The following LHFPL3 variants were observed in gnomAD, a reference collection of about 807,000 sequenced individuals.
LHFPL3 encodes the protein LHFPL tetraspan subfamily member 3 protein.
Under a neutral mutation model 19.3 loss-of-function variants are expected in LHFPL3, and 5 were observed. That is an observed-to-expected ratio of 0.26 (90% CI 0.14 to 0.54). The LOEUF (loss-of-function observed/expected upper bound fraction) is 0.54. Among genes scored for constraint, LHFPL3 ranks in the 20% least tolerant of loss-of-function variants. LHFPL3 has a pLI of 0.94. For synonymous variants in LHFPL3, 133 were observed against 126.2 expected (o/e 1.05, Z -0.36); for missense variants, 249 against 307.4 (o/e 0.81, Z 1.42).
At chr7:104,896,591 G>A (rs939904849) in intron 2 of LHFPL3, among the ~76,000 whole-genome samples, 3 of 152,198 alleles carry the variant, frequency 2.0e-5, no homozygotes, top group Non-Finnish European at 2.9e-5. Context: ...TTAGAAAACT[G>A]GAGGAAGGGC....
intron 2 of LHFPL3, among the ~76,000 whole-genome samples, chr7:104,902,144 C>T (rs1792497711): frequency 6.6e-6 from 1 of 151,986 alleles, no homozygotes; most frequent in African/African-American, 2.4e-5. Flanking sequence ...CTTCAGGAGA[C>T]CAAGGTGGGA....
intron 1 of LHFPL3, among the ~76,000 whole-genome samples, chr7:104,557,108 T>A (rs1184096858): frequency 1.3e-5 from 2 of 152,218 alleles, no homozygotes; most frequent in African/African-American, 4.8e-5. Context: ...TTCCAACATT[T>A]GACTGTTTTC....
At chr7:104,670,870 T>TG (rs200937683) in intron 1 of LHFPL3, among the ~76,000 whole-genome samples, 3 of 151,916 alleles carry the variant, frequency 2.0e-5, no homozygotes, top group Non-Finnish European at 4.4e-5. Flanking sequence ...TGTTTTGTTT[T>TG]TTTTTTTTTA....
At chr7:104,329,361 G>C (rs1801526951) in intron 1 of LHFPL3, 137 bp downstream of exon 1, 3 of 1,164,092 alleles carry the variant, frequency 2.6e-6, no homozygotes, top group Admixed American at 3.1e-5. Context: ...TCGAGGTGTG[G>C]GGGGCGGGAG....
intron 2 of LHFPL3, among the ~76,000 whole-genome samples, chr7:104,814,897 G>T (rs1180166607): frequency 6.6e-6 from 1 of 152,190 alleles, no homozygotes; most frequent in South Asian, 2.1e-4. Context: ...GCGGGAGCAG[G>T]CACTTTCAAG....
chr7:104,379,862 C>T (rs1470503059), intron 1 of LHFPL3, among the ~76,000 whole-genome samples: 2 of 152,176 alleles, frequency 1.3e-5, no homozygotes, highest in African/African-American at 4.8e-5. Flanking sequence ...CCAAGTGTTG[C>T]ACAAACTTGT....
At chr7:104,878,590 A>T (rs1699246087) in intron 2 of LHFPL3, among the ~76,000 whole-genome samples, 1 of 152,142 alleles carries the variant, frequency 6.6e-6, no homozygotes, top group African/African-American at 2.4e-5. Context: ...CTATTCCATG[A>T]GATACAACAA....
intron 1 of LHFPL3, among the ~76,000 whole-genome samples, chr7:104,647,838 A>G (rs534453236): frequency 1.3e-5 from 2 of 152,326 alleles, no homozygotes; most frequent in Non-Finnish European, 2.9e-5. Context: ...CAGGAACCCT[A>G]CAGTAGACTC....
In LHFPL3 at chr7:104,707,996, A is replaced by C. The variant is rs529362497; in HGVS notation, c.446-28679A>C. On this transcript the variant is annotated intron_variant, in intron 1 of 2. Coordinates refer to ENST00000424859, the MANE Select transcript of LHFPL3 (RefSeq NM_199000.3). Reference sequence around the variant, plus strand: ...CAGAGAGGCCAAAGACCTAGAATACATCAGCAGTCAAGAACAGGTGAGGGG... The same window carrying C: ...CAGAGAGGCCAAAGACCTAGAATACCTCAGCAGTCAAGAACAGGTGAGGGG... 6.6e-5 allele frequency among the ~76,000 whole-genome samples: 10 copies of C among 152,382 alleles called. No individual in the cohort carries two copies. In the East Asian group the frequency reaches 1.7e-3, roughly 26 times the overall value.
At chr7:104,478,240 G>C (rs1408493785) in intron 1 of LHFPL3, among the ~76,000 whole-genome samples, 1 of 152,042 alleles carries the variant, frequency 6.6e-6, no homozygotes, top group Admixed American at 6.6e-5. Flanking sequence ...TAAAACTCCT[G>C]ATAGGTTGAG....
intron 2 of LHFPL3, among the ~76,000 whole-genome samples, chr7:104,829,567 G>A (rs550423852): frequency 6.6e-6 from 1 of 151,544 alleles, no homozygotes; most frequent in African/African-American, 2.4e-5. Flanking sequence ...ACCTATGAGT[G>A]AGAACATGTG....
intron 1 of LHFPL3, among the ~76,000 whole-genome samples, chr7:104,734,405 A>G (rs1032077834): frequency 1.3e-5 from 2 of 151,950 alleles, no homozygotes; most frequent in African/African-American, 4.8e-5. Context: ...TTTCTTGGAG[A>G]CCTTGTTCGT....
chr7:104,375,530 A>T (rs182769849), intron 1 of LHFPL3, among the ~76,000 whole-genome samples: 1 of 152,324 alleles, frequency 6.6e-6, no homozygotes, highest in East Asian at 1.9e-4. Flanking sequence ...GGGAAAAATT[A>T]CACCTGGGAA....
intron 2 of LHFPL3, among the ~76,000 whole-genome samples, chr7:104,866,413 A>C (rs1417029271): frequency 6.6e-6 from 1 of 152,220 alleles, no homozygotes; most frequent in Non-Finnish European, 1.5e-5. Context: ...AAAAAAAGGC[A>C]GGGGTTGCAA....
At chr7:104,369,117 T>C (rs1790558705) in intron 1 of LHFPL3, among the ~76,000 whole-genome samples, 1 of 152,214 alleles carries the variant, frequency 6.6e-6, no homozygotes, top group African/African-American at 2.4e-5. Context: ...CAATGAGTTT[T>C]AGTAAATTTA....
intron 1 of LHFPL3, among the ~76,000 whole-genome samples, chr7:104,717,029 G>A (rs1793400380): frequency 6.6e-6 from 1 of 152,138 alleles, no homozygotes. Flanking sequence ...TACATGTATG[G>A]TCAACTAATC....
At chr7:104,582,641 T>C (rs1487063001) in intron 1 of LHFPL3, among the ~76,000 whole-genome samples, 1 of 152,042 alleles carries the variant, frequency 6.6e-6, no homozygotes, top group Non-Finnish European at 1.5e-5. Flanking sequence ...TTTACTAGCA[T>C]CTGTTTTGAA....
intron 1 of LHFPL3, among the ~76,000 whole-genome samples, chr7:104,524,252 C>A (rs1794138751): frequency 6.6e-6 from 1 of 151,958 alleles, no homozygotes; most frequent in African/African-American, 2.4e-5. Flanking sequence ...GTAGACATAC[C>A]CAACACAAAA....
intron 2 of LHFPL3, among the ~76,000 whole-genome samples, chr7:104,846,804 A>AGTT (rs1791321951): frequency 1.3e-5 from 2 of 152,186 alleles, no homozygotes; most frequent in South Asian, 4.1e-4. Context: ...AGCTTGAGAA[A>AGTT]GTTGCTCTGC....
Sources: allele counts gnomAD v4.1 joint callset (sites outside exome capture counted in the v4.1 genomes callset), GRCh38; gene constraint gnomAD v4.1.1; transcripts MANE v1.5; gene names NCBI Gene and HGNC (gene_info 2026-07-23, HGNC 2026-07-21).